Variants in SPAG1 observed in about 807,000 individuals in gnomAD.
SPAG1 encodes the protein sperm associated antigen 1.
In SPAG1, 69 loss-of-function variants were observed where a neutral mutation model predicts 100.5. That is an observed-to-expected ratio of 0.69 (90% confidence interval 0.57 to 0.84). The LOEUF is 0.84. Among genes scored for constraint, SPAG1 ranks in the 40% least tolerant of loss-of-function variants. The pLI, the probability that SPAG1 is intolerant of heterozygous loss-of-function variation, is 0.00. For synonymous variants in SPAG1, 336 were observed against 411.6 expected (o/e 0.82, Z 2.22); for missense variants, 955 against 1,133.1 (o/e 0.84, Z 2.26).
chr8:100,234,089 C>T (rs1024357089), intron 16 of SPAG1, among the ~76,000 whole-genome samples: 2 of 152,178 alleles, frequency 1.3e-5, no homozygotes, highest in Non-Finnish European at 2.9e-5. Flanking sequence ...TGTATCATTC[C>T]ACTTTTCTTC....
chr8:100,213,832 A>C lies in SPAG1; in HGVS notation c.1449A>C (p.Ala483=), dbSNP rs1817849318. 1 of 1,576,822 alleles carries C rather than the reference A, an allele frequency of 6.3e-7. No homozygotes were observed. Among genetic ancestry groups the C allele is most frequent in the African/African-American group, 1.3e-5 (1 of 74,116 alleles). ...TGTGATTTTTAGGAAGTGAAATTGC[A>C]GATGATCTAAGTATCTTATATTCAA... is the stretch of plus-strand genomic sequence containing the variant. The part of the protein sequence containing the change: ...ALLEPAGSEI[A]DDLSILYSNR... The change falls in exon 12 of 19, where the codon GCA becomes GCC. Residue 483 remains alanine, a synonymous_variant. Coordinates refer to ENST00000388798, the MANE Select transcript of SPAG1 (RefSeq NM_003114.5).
At chr8:100,166,018 T>C in intron 3 of SPAG1, 45 bp downstream of exon 3, 2 of 1,489,850 alleles carry the variant, frequency 1.3e-6, no homozygotes, top group Non-Finnish European at 1.8e-6. Flanking sequence ...TGAGACATTC[T>C]ATATATGTTT....
chr8:100,159,216 A>G (rs983503028), intron 1 of SPAG1, among the ~76,000 whole-genome samples: 2 of 152,196 alleles, frequency 1.3e-5, no homozygotes, highest in African/African-American at 4.8e-5. Context: ...AAGGCAACCC[A>G]TTCTATTCTG....
chr8:100,220,942 G>A (rs186820966), intron 13 of SPAG1, among the ~76,000 whole-genome samples: 2 of 152,010 alleles, frequency 1.3e-5, no homozygotes, highest in African/African-American at 4.8e-5. Context: ...GTGTGGTGGC[G>A]GGCGCCTGTA....
rs1307293560 is a variant in SPAG1, at chr8:100,241,758, C to A, written c.*736C>A. ...CTGAATTATTACCTCCATATTTTAC[C>A]AAACATTTGAATGTCCCCCTTCCCC... On this transcript the variant is annotated 3_prime_UTR_variant, in exon 19 of 19. Transcript: ENST00000388798. This position sits in a 1 kb window ranked among gnomAD's most constrained non-coding sequence, Gnocchi z 5.1. The A allele has an allele frequency of 6.6e-6, 1 of 151,914 alleles. No individual in the cohort carries two copies. Among genetic ancestry groups the A allele is most frequent in the Non-Finnish European group, 1.5e-5 (1 of 67,990 alleles). 9.4% of individuals were successfully genotyped at this position (151,914 alleles called of 1,614,324 possible). A position where few individuals can be genotyped will look rare whatever the true frequency, so the allele number is the denominator to read the frequency against.
chr8:100,169,781 T>C (rs1335538954), intron 3 of SPAG1, among the ~76,000 whole-genome samples: 1 of 152,170 alleles, frequency 6.6e-6, no homozygotes, highest in Non-Finnish European at 1.5e-5. Context: ...TATTTCTGAC[T>C]CTTTCAATTC....
chr8:100,196,499 A>G (rs1817037479), intron 10 of SPAG1, among the ~76,000 whole-genome samples: 1 of 152,066 alleles, frequency 6.6e-6, no homozygotes, highest in African/African-American at 2.4e-5. Flanking sequence ...TACCATCTCT[A>G]TATTACTTTT....
intron 10 of SPAG1, among the ~76,000 whole-genome samples, chr8:100,201,202 C>G (rs929543367): frequency 4.6e-5 from 7 of 152,068 alleles, no homozygotes; most frequent in Non-Finnish European, 1.0e-4. Context: ...ACTGCAGCCT[C>G]TAACTCCTGG....
chr8:100,220,204 G>GT lies in SPAG1; in HGVS notation c.1536-74dup, dbSNP rs1283928021. ...ACATATTTGAGAGTTCAGTACTGCA[G>GT]TATCTATTCAGTGAAGTATAAACGA... On this transcript the variant is annotated intron_variant, in intron 12 of 18. Coordinates refer to ENST00000388798, the MANE Select transcript of SPAG1 (RefSeq NM_003114.5). The GT allele has an allele frequency of 6.8e-6, 8 of 1,176,496 alleles. No homozygotes were observed. In the East Asian group the frequency reaches 1.6e-4, roughly 24 times the overall value. 72.9% of individuals were successfully genotyped at this position (1,176,496 alleles called of 1,614,324 possible).
chr8:100,199,531 C>T (rs752185122), intron 10 of SPAG1, among the ~76,000 whole-genome samples: 11 of 152,072 alleles, frequency 7.2e-5, no homozygotes, highest in Non-Finnish European at 1.3e-4. Flanking sequence ...CTACAACCTC[C>T]GCCTCCCAGG....
chr8:100,161,056 A>C (rs1374638456), intron 1 of SPAG1, among the ~76,000 whole-genome samples: 1 of 152,044 alleles, frequency 6.6e-6, no homozygotes, highest in Non-Finnish European at 1.5e-5. Context: ...AGTACCTAGA[A>C]GGGCTGGGCG....
intron 18 of SPAG1, 27 bp from the exon 19 acceptor site, chr8:100,240,864 G>GC: frequency 2.2e-6 from 3 of 1,388,406 alleles, no homozygotes; most frequent in Non-Finnish European, 2.9e-6. Flanking sequence ...TTGGTTTTTT[G>GC]TTTTTTTTTT....
intron 6 of SPAG1, among the ~76,000 whole-genome samples, 161 bp from the exon 7 acceptor site, chr8:100,184,467 A>G (rs955203271): frequency 6.6e-6 from 1 of 152,214 alleles, no homozygotes; most frequent in African/African-American, 2.4e-5. Context: ...TGATTTAAAA[A>G]GAAAACATCC....
At chr8:100,163,183 A>T (rs1014830214) in intron 2 of SPAG1, among the ~76,000 whole-genome samples, 1 of 152,076 alleles carries the variant, frequency 6.6e-6, no homozygotes, top group Non-Finnish European at 1.5e-5. Context: ...GTGACTGTCC[A>T]ACTGAATATA....
chr8:100,192,546 A>G (rs1419511517), intron 9 of SPAG1, among the ~76,000 whole-genome samples: 4 of 152,196 alleles, frequency 2.6e-5, no homozygotes, highest in Non-Finnish European at 5.9e-5. Context: ...TGCTGGCAGT[A>G]TAGTCAGAAA....
intron 10 of SPAG1, among the ~76,000 whole-genome samples, chr8:100,210,916 C>T (rs1817693090): frequency 6.6e-6 from 1 of 151,836 alleles, no homozygotes; most frequent in Non-Finnish European, 1.5e-5. Context: ...CAACCTCCAC[C>T]TCCCGGGGTC....
intron 3 of SPAG1, among the ~76,000 whole-genome samples, chr8:100,176,087 A>C (rs954307336): frequency 1.6e-4 from 25 of 152,202 alleles, no homozygotes; most frequent in African/African-American, 6.0e-4. Flanking sequence ...GTCTGCATTA[A>C]AAACCTGCTC....
chr8:100,233,281 T>C (rs964821673), intron 15 of SPAG1, 130 bp from the exon 16 acceptor site: 37 of 989,510 alleles, frequency 3.7e-5, no homozygotes, highest in Non-Finnish European at 5.3e-5. Flanking sequence ...AAATGTTAAG[T>C]TTCAATGGAA....
intron 10 of SPAG1, among the ~76,000 whole-genome samples, chr8:100,208,803 A>G (rs989492131): frequency 1.3e-5 from 2 of 152,180 alleles, no homozygotes; most frequent in African/African-American, 4.8e-5. Context: ...TGGTTGTACA[A>G]AGGATAGTTG....
Sources: gnomAD v4.1 joint callset for allele counts (sites outside exome capture counted in the v4.1 genomes callset) on GRCh38, gnomAD v4.1.1 for gene constraint, Gnocchi (gnomAD v3.1) non-coding constraint, MANE v1.5 for transcripts, NCBI Gene and HGNC (gene_info 2026-07-23, HGNC 2026-07-21) for gene names.